Variants in ANTXR1 observed in about 807,000 individuals in gnomAD.
The protein encoded by ANTXR1 is anthrax toxin receptor 1.
A neutral mutation model predicts 78.1 loss-of-function variants in ANTXR1; 19 were observed. That is an observed-to-expected ratio of 0.24 (90% CI 0.17 to 0.36). ANTXR1 has a LOEUF of 0.36. ANTXR1 is among the 10% of genes least tolerant of loss of function. ANTXR1 has a pLI of 1.00. For synonymous variants in ANTXR1, 273 were observed against 260.5 expected (o/e 1.05, Z -0.46); for missense variants, 518 against 718.6 (o/e 0.72, Z 3.19).
intron 3 of ANTXR1, among the ~76,000 whole-genome samples, chr2:69,068,188 A>T (rs1241885209): frequency 2.0e-5 from 3 of 152,194 alleles, no homozygotes; most frequent in Admixed American, 6.5e-5. Context: ...TGTTCCAGGC[A>T]CTGTAGTAGG....
chr2:69,241,121 G>A (rs1675884041), intron 17 of ANTXR1, among the ~76,000 whole-genome samples: 1 of 152,176 alleles, frequency 6.6e-6, no homozygotes, highest in Non-Finnish European at 1.5e-5. Flanking sequence ...CCAAATCTTG[G>A]ATCGGAATCA....
intron 6 of ANTXR1, 25 bp from the exon 7 acceptor site, chr2:69,075,565 A>G (rs1464444103): frequency 1.2e-6 from 2 of 1,609,174 alleles, no homozygotes; most frequent in African/African-American, 2.7e-5. Context: ...TTCTCTTTCT[A>G]ATGTCCTTTC....
chr2:69,096,410 C>A (rs972606672), intron 9 of ANTXR1, among the ~76,000 whole-genome samples: 3 of 117,954 alleles, frequency 2.5e-5, no homozygotes, highest in Non-Finnish European at 5.0e-5. Context: ...GGAAGGAAAT[C>A]AAAAAGAATT....
chr2:69,151,358 G>A (rs1673390653), intron 12 of ANTXR1, among the ~76,000 whole-genome samples: 1 of 151,950 alleles, frequency 6.6e-6, no homozygotes, highest in Non-Finnish European at 1.5e-5. Flanking sequence ...TTGCTGATTT[G>A]CACTCCCAGT....
intron 17 of ANTXR1, among the ~76,000 whole-genome samples, chr2:69,231,461 C>T (rs889000539): frequency 7.9e-5 from 12 of 152,316 alleles, no homozygotes; most frequent in African/African-American, 2.9e-4. Context: ...ACAACTCATA[C>T]TCAGCTTCCA....
chr2:69,115,849 C>T (rs1045867925), intron 10 of ANTXR1, among the ~76,000 whole-genome samples: 3 of 152,160 alleles, frequency 2.0e-5, no homozygotes, highest in African/African-American at 4.8e-5. Flanking sequence ...AGGGTATGGG[C>T]CATGTCTAAG....
chr2:69,099,352 GA>G (rs1266919198), intron 9 of ANTXR1, among the ~76,000 whole-genome samples: 3 of 152,128 alleles, frequency 2.0e-5, no homozygotes, highest in Non-Finnish European at 4.4e-5. Context: ...ATCAGTTGAT[GA>G]ACATTTAGGT....
At chr2:69,176,566 G>A (rs1259358764) in intron 14 of ANTXR1, among the ~76,000 whole-genome samples, 5 of 152,100 alleles carry the variant, frequency 3.3e-5, no homozygotes, top group Admixed American at 6.5e-5. Flanking sequence ...TCATTCTCAC[G>A]AAACTCACTC....
chr2:69,050,297 AAAAT>A (rs374411711), intron 3 of ANTXR1, among the ~76,000 whole-genome samples: 5,954 of 151,784 alleles, frequency 0.039, 137 homozygotes, highest in Middle Eastern at 0.13. Flanking sequence ...TGCTGTATCA[AAAAT>A]AAATAAATAA....
chr2:69,013,148 T>G, upstream of ANTXR1: 5 of 92,388 alleles, frequency 5.4e-5, no homozygotes, highest in East Asian at 6.5e-4. This position sits in a 1 kb window ranked among gnomAD's most constrained non-coding sequence, Gnocchi z 5.0. Flanking sequence ...CCCCCCATCA[T>G]ATTTAAAATC....
At chr2:69,113,086 C>T (rs1417183722) in intron 10 of ANTXR1, among the ~76,000 whole-genome samples, 12 of 152,162 alleles carry the variant, frequency 7.9e-5, no homozygotes, top group African/African-American at 2.4e-4. Context: ...ATTGACTCCA[C>T]GTGAAAATCG....
chr2:69,139,917 A>C (rs1034813631), intron 12 of ANTXR1, among the ~76,000 whole-genome samples: 1 of 152,224 alleles, frequency 6.6e-6, no homozygotes, highest in Non-Finnish European at 1.5e-5. Context: ...TTTGAGCACT[A>C]CTAAGTACCT....
Position 69,193,457 on chromosome 2 carries a change from T to TCACACA in ANTXR1, c.1434+43_1434+44insACACAC, listed in dbSNP as rs763774448. ...CATTAATGGTGTCTCTCTCTCTCTC[T>TCACACA]CTCACATACACACACACACACACAC... On this transcript the variant is annotated intron_variant, in intron 17 of 17. Coordinates refer to ENST00000303714, the MANE Select transcript of ANTXR1 (RefSeq NM_032208.3). The TCACACA allele has an allele frequency of 8.7e-5, 101 of 1,163,886 alleles. No individual in the cohort carries two copies. In the African/African-American group the frequency reaches 1.0e-3, roughly 12 times the overall value. 72.1% of individuals were successfully genotyped at this position (1,163,886 alleles called of 1,614,324 possible). A position where few individuals can be genotyped will look rare whatever the true frequency, so the allele number is the denominator to read the frequency against.
rs550535567 is a variant in ANTXR1 at position 69,146,716 on chromosome 2, C to T, written c.952-5453C>T. Among the ~76,000 whole-genome samples, 9 of 152,378 alleles carry T rather than the reference C, an allele frequency of 5.9e-5. No individual in the cohort carries two copies. The East Asian group carries it at 1.7e-3, about 29-fold the overall frequency. On this transcript the variant is annotated intron_variant, in intron 12 of 17. Transcript: ENST00000303714. ...GAGTCTGAACTTGTGAGTCAGGGAG[C>T]ACCCATTCTCAGAAGCTACCTTGCA...
chr2:69,204,356 T>C (rs1216234035), intron 17 of ANTXR1, among the ~76,000 whole-genome samples: 1 of 152,130 alleles, frequency 6.6e-6, no homozygotes, highest in Non-Finnish European at 1.5e-5. Flanking sequence ...AGCATCTCCA[T>C]GACCACCCCA....
At chr2:69,087,749 G>A (rs1035255365) in intron 8 of ANTXR1, among the ~76,000 whole-genome samples, 2 of 151,990 alleles carry the variant, frequency 1.3e-5, no homozygotes, top group African/African-American at 4.8e-5. Context: ...CTACACCTCT[G>A]CCATGGCTAC....
At chr2:69,041,576 G>A (rs1054056775) in intron 2 of ANTXR1, among the ~76,000 whole-genome samples, 8 of 152,168 alleles carry the variant, frequency 5.3e-5, no homozygotes, top group African/African-American at 1.9e-4. Context: ...TGCAACCGTA[G>A]CAATTCACCA....
intron 3 of ANTXR1, among the ~76,000 whole-genome samples, chr2:69,067,779 C>G (rs573102857): frequency 2.0e-5 from 3 of 152,360 alleles, no homozygotes; most frequent in African/African-American, 7.2e-5. Context: ...CAGGGCAGAG[C>G]TGCCCCCTGC....
chr2:69,076,289 G>T (rs1021226999), intron 7 of ANTXR1, among the ~76,000 whole-genome samples: 3 of 152,070 alleles, frequency 2.0e-5, no homozygotes, highest in Non-Finnish European at 4.4e-5. Flanking sequence ...AATTTAATTT[G>T]ACAAGTATGA....
Sources: gnomAD v4.1 joint callset for allele counts (sites outside exome capture counted in the v4.1 genomes callset) on GRCh38, gnomAD v4.1.1 for gene constraint, Gnocchi (gnomAD v3.1) non-coding constraint, MANE v1.5 for transcripts, NCBI Gene and HGNC (gene_info 2026-07-23, HGNC 2026-07-21) for gene names.